Variants in HSDL2 observed in about 807,000 individuals in gnomAD.
HSDL2 encodes hydroxysteroid dehydrogenase like 2.
HSDL2 carries 27 observed loss-of-function variants against 46.3 expected under a neutral mutation model. The observed-to-expected ratio is 0.58, with a 90% CI of 0.43 to 0.80. The LOEUF is 0.80. HSDL2 is among the 30% of genes least tolerant of loss of function. The probability of loss-of-function intolerance (pLI) is 0.00; values close to 1 mark genes in which losing one functional copy is unlikely to be tolerated. For synonymous variants in HSDL2, 153 were observed against 163.6 expected, an observed-to-expected ratio of 0.94 and a Z score of 0.50; for missense variants, 451 against 502.7, an observed-to-expected ratio of 0.90 and a Z score of 0.98.
intron 3 of HSDL2, among the ~76,000 whole-genome samples, chr9:112,406,524 G>A (rs909280856): frequency 2.6e-5 from 4 of 151,812 alleles, no homozygotes; most frequent in Non-Finnish European, 5.9e-5. Context: ...AGGCTGGAGT[G>A]CAGTGGCGCA....
At chr9:112,425,961 G>A (rs1832234854) in intron 6 of HSDL2, among the ~76,000 whole-genome samples, 1 of 152,076 alleles carries the variant, frequency 6.6e-6, no homozygotes, top group Admixed American at 6.6e-5. Flanking sequence ...GGCTGGTCTC[G>A]AACTCCTGGG....
In HSDL2 at chr9:112,381,403, C is replaced by T. The variant is rs139578159; in HGVS notation, c.17+1223C>T. ...TTGAGATGGAGTCTCGCTCTGTCTT[C>T]CAGTCTGGAGTGCAGTGGCATGATC... On this transcript the variant is annotated intron_variant, in intron 1 of 10. Coordinates refer to ENST00000398805, the MANE Select transcript of HSDL2 (RefSeq NM_032303.5). Among the ~76,000 whole-genome samples, 988 of 152,250 alleles carry T rather than the reference C, an allele frequency of 6.5e-3. 52 individuals are homozygous for T. In the South Asian group the frequency reaches 0.13, roughly 20 times the overall value.
chr9:112,382,941 CTTT>C (rs56082014), intron 1 of HSDL2, among the ~76,000 whole-genome samples: 7 of 138,242 alleles, frequency 5.1e-5, no homozygotes, highest in Admixed American at 7.2e-5. Context: ...AAACCAAGAT[CTTT>C]TTTTTTTTTT....
Position 112,408,902 on chromosome 9 carries a change from A to G in HSDL2, c.281-5A>G. The G allele has an allele frequency of 7.0e-7, 1 of 1,420,314 alleles. No individual in the cohort carries two copies. Among genetic ancestry groups the G allele is most frequent in the Non-Finnish European group, 9.8e-7 (1 of 1,019,144 alleles). The allele number at this position is 1,420,314 out of a possible 1,614,324, so 88.0% of individuals were successfully genotyped here. A position where few individuals can be genotyped will look rare whatever the true frequency, so the allele number is the denominator to read the frequency against. On this transcript the variant is annotated splice_region_variant and splice_polypyrimidine_tract_variant and intron_variant, in intron 3 of 10. Coordinates refer to ENST00000398805, the MANE Select transcript of HSDL2 (RefSeq NM_032303.5). Reference sequence around the variant, plus strand: ...TTAAAATGAAATTGATTATTTTGAAAACAGGAATTGATATTCTGGTAAATA... The same window carrying G: ...TTAAAATGAAATTGATTATTTTGAAGACAGGAATTGATATTCTGGTAAATA...
In HSDL2 at chr9:112,434,400, C is replaced by T. The variant is rs181807552; in HGVS notation, c.599-4031C>T. ...CAGCTAACCAGGGAGGGTGAGGCGA[C>T]AAGGTGGCAGCTCACCTCCTTCCTG... On this transcript the variant is annotated intron_variant, in intron 6 of 10. Transcript: ENST00000398805. Among the ~76,000 whole-genome samples the T allele has an allele frequency of 1.8e-3, 275 of 152,304 alleles. 1 individual carries two copies. Among genetic ancestry groups the T allele is most frequent in the Middle Eastern group, 3.4e-3 (1 of 294 alleles).
At chr9:112,399,982 GGC>G (rs1831552864) in intron 1 of HSDL2, among the ~76,000 whole-genome samples, 1 of 152,210 alleles carries the variant, frequency 6.6e-6, no homozygotes, top group Non-Finnish European at 1.5e-5. Flanking sequence ...AGTAAAGACA[GGC>G]ATAAGAAATT....
intron 1 of HSDL2, among the ~76,000 whole-genome samples, chr9:112,387,305 C>T (rs551781149): frequency 7.2e-5 from 11 of 151,776 alleles, no homozygotes; most frequent in Admixed American, 3.3e-4. Flanking sequence ...CTGCAACCTC[C>T]GTGTCATGGG....
chr9:112,401,722 G>A (rs983716076), intron 1 of HSDL2, among the ~76,000 whole-genome samples: 1 of 152,032 alleles, frequency 6.6e-6, no homozygotes, highest in South Asian at 2.1e-4. Flanking sequence ...GTGGGGTGGG[G>A]GAGGGAAGGA....
intron 4 of HSDL2, among the ~76,000 whole-genome samples, chr9:112,414,348 GA>G (rs1272210406): frequency 1.3e-5 from 2 of 152,174 alleles, no homozygotes; most frequent in African/African-American, 4.8e-5. Context: ...CTTTGAGTTT[GA>G]AACCCCAAGT....
At chr9:112,407,135 T>TA (rs1295482746) in intron 3 of HSDL2, among the ~76,000 whole-genome samples, 3 of 152,174 alleles carry the variant, frequency 2.0e-5, no homozygotes, top group African/African-American at 7.2e-5. Flanking sequence ...TCCAAAATCT[T>TA]ACCCCTAGCC....
At chr9:112,451,804 GTGAT>G (rs1832890831) in intron 8 of HSDL2, among the ~76,000 whole-genome samples, 1 of 151,770 alleles carries the variant, frequency 6.6e-6, no homozygotes, top group Non-Finnish European at 1.5e-5. Flanking sequence ...TAGATACTGT[GTGAT>G]TGATTCCATT....
chr9:112,462,395 G>A (rs937277579), intron 10 of HSDL2, among the ~76,000 whole-genome samples: 3 of 151,444 alleles, frequency 2.0e-5, no homozygotes, highest in African/African-American at 2.4e-5. Flanking sequence ...ACCTTGAAGC[G>A]GAGGTTGCAG....
At chr9:112,405,575 T>A in intron 2 of HSDL2, 49 bp from the exon 3 acceptor site, 1 of 1,287,374 alleles carries the variant, frequency 7.8e-7, no homozygotes, top group South Asian at 1.3e-5. Context: ...ATTAAAGGTA[T>A]AATATTTAAA....
At chr9:112,394,820 T>G (rs1244612664) in intron 1 of HSDL2, among the ~76,000 whole-genome samples, 10 of 152,188 alleles carry the variant, frequency 6.6e-5, no homozygotes, top group Non-Finnish European at 1.3e-4. Flanking sequence ...ATGCAGTGCC[T>G]TCTTCTCCTG....
At chr9:112,442,762 T>A (rs10817344) in intron 8 of HSDL2, among the ~76,000 whole-genome samples, 1 of 151,602 alleles carries the variant, frequency 6.6e-6, no homozygotes, top group African/African-American at 2.4e-5. Context: ...TTTTTAGAAG[T>A]CTGATAGAAA....
chr9:112,385,550 C>A (rs536185878), intron 1 of HSDL2, among the ~76,000 whole-genome samples: 1 of 148,334 alleles, frequency 6.7e-6, no homozygotes, highest in Non-Finnish European at 1.5e-5. Flanking sequence ...AGTGCAGTGG[C>A]GCGATCTCAG....
rs1376742848 is a variant in HSDL2 at position 112,395,873 on chromosome 9, C to A, written c.18-8122C>A. ...TCAGAAACCAATTGAGTTAAAGCCT[C>A]CAGTTTTTCTTTAGAGAGCAGCCAC... On this transcript the variant is annotated intron_variant, in intron 1 of 10. Coordinates refer to ENST00000398805, the MANE Select transcript of HSDL2 (RefSeq NM_032303.5). 2.6e-5 allele frequency among the ~76,000 whole-genome samples: 4 copies of A among 152,202 alleles called. No homozygotes were observed. In the East Asian group the frequency reaches 7.7e-4, roughly 29 times the overall value.
At position 112,459,486 on chromosome 9, in the gene HSDL2, C is replaced by G; in HGVS notation, c.1053C>G (p.Ser351Arg). The G allele has an allele frequency of 6.2e-7, 1 of 1,613,906 alleles. No individual in the cohort carries two copies. Among genetic ancestry groups the G allele is most frequent in the Non-Finnish European group, 8.5e-7 (1 of 1,179,822 alleles). The stretch of plus-strand genomic sequence containing the variant: ...GCACGTGGTTTCTTGATCTGAAAAG[C>G]AAGGGTGGGAATGTCGGATATGGAG... The part of the protein sequence containing the change: ...DGGTWFLDLK[S>R]KGGNVGYGEP... The change falls in exon 10 of 11, where the codon AGC becomes AGG. Residue 351 changes from serine to arginine, a missense_variant. Coordinates refer to ENST00000398805, the MANE Select transcript of HSDL2 (RefSeq NM_032303.5).
At chr9:112,396,574 C>G (rs1379449334) in intron 1 of HSDL2, among the ~76,000 whole-genome samples, 1 of 152,142 alleles carries the variant, frequency 6.6e-6, no homozygotes, top group Non-Finnish European at 1.5e-5. Flanking sequence ...GGAACCTTGG[C>G]AGACACCATA....
Sources: gnomAD v4.1 joint callset for allele counts (sites outside exome capture counted in the v4.1 genomes callset) on GRCh38, gnomAD v4.1.1 for gene constraint, MANE v1.5 for transcripts, NCBI Gene and HGNC (gene_info 2026-07-23, HGNC 2026-07-21) for gene names.